Variants in JAM2 observed in about 807,000 individuals in gnomAD.
The protein encoded by JAM2 is junctional adhesion molecule 2.
A neutral mutation model predicts 42.0 loss-of-function variants in JAM2; 17 were observed. That is an observed-to-expected ratio of 0.40 (90% confidence interval 0.28 to 0.61). The LOEUF (loss-of-function observed/expected upper bound fraction) is 0.61. Ranked by LOEUF, JAM2 falls within the 20% of genes least tolerant of loss-of-function variation. The pLI is 0.37. For synonymous variants in JAM2, 118 were observed against 128.6 expected, an observed-to-expected ratio of 0.92 and a Z score of 0.56; for missense variants, 319 against 358.3, an observed-to-expected ratio of 0.89 and a Z score of 0.89.
chr21:25,698,368 G>A (rs1368517467), intron 4 of JAM2, among the ~76,000 whole-genome samples: 1 of 152,192 alleles, frequency 6.6e-6, no homozygotes, highest in East Asian at 1.9e-4. Context: ...ACATGTGGGA[G>A]GTTTTTAATT....
chr21:25,670,249 C>T (rs1275193875), intron 1 of JAM2, among the ~76,000 whole-genome samples: 3 of 152,016 alleles, frequency 2.0e-5, no homozygotes, highest in Non-Finnish European at 2.9e-5. Flanking sequence ...TTTGGGAGGC[C>T]GAGGTAGGTA....
At chr21:25,653,173 G>A (rs928383050) in intron 1 of JAM2, among the ~76,000 whole-genome samples, 2 of 152,180 alleles carry the variant, frequency 1.3e-5, no homozygotes, top group African/African-American at 2.4e-5. Flanking sequence ...TCTGCCTGCT[G>A]GGAGGCCCTA....
intron 1 of JAM2, among the ~76,000 whole-genome samples, chr21:25,682,467 G>T (rs147291071): frequency 1.4e-4 from 22 of 152,350 alleles, no homozygotes; most frequent in African/African-American, 5.3e-4. Context: ...CTCGCAGGAC[G>T]TGCGACAGGG....
chr21:25,665,136 A>T (rs1163427868), intron 1 of JAM2, among the ~76,000 whole-genome samples: 1 of 152,130 alleles, frequency 6.6e-6, no homozygotes, highest in African/African-American at 2.4e-5. Flanking sequence ...GTTGGAGAAA[A>T]TTGTAATAGG....
At chr21:25,709,506 A>T in intron 8 of JAM2, 57 bp downstream of exon 8, 1 of 1,164,438 alleles carries the variant, frequency 8.6e-7, no homozygotes, top group Non-Finnish European at 1.3e-6. Context: ...ATTTTCTATT[A>T]ATCATCTGTT....
intron 7 of JAM2, 121 bp downstream of exon 7, chr21:25,706,207 C>G: frequency 1.5e-6 from 1 of 689,158 alleles, no homozygotes; most frequent in South Asian, 1.7e-5. Context: ...CAGACAGAGT[C>G]TTGCTCTGTT....
chr21:25,697,867 C>T (rs1329408066), intron 4 of JAM2, among the ~76,000 whole-genome samples: 1 of 151,560 alleles, frequency 6.6e-6, no homozygotes, highest in Non-Finnish European at 1.5e-5. Context: ...ATGATCACGC[C>T]ACTGTACTCC....
At chr21:25,654,305 G>T (rs1354121702) in intron 1 of JAM2, among the ~76,000 whole-genome samples, 1 of 152,136 alleles carries the variant, frequency 6.6e-6, no homozygotes, top group Non-Finnish European at 1.5e-5. Flanking sequence ...ACAATGGAAG[G>T]ATCAGTCTGT....
At chr21:25,697,435 A>G (rs2034063272) in intron 4 of JAM2, among the ~76,000 whole-genome samples, 1 of 152,224 alleles carries the variant, frequency 6.6e-6, no homozygotes, top group Admixed American at 6.5e-5. Context: ...AGACTACCTT[A>G]GAATACAGCC....
intron 1 of JAM2, among the ~76,000 whole-genome samples, chr21:25,659,509 G>C (rs755966681): frequency 9.2e-5 from 14 of 151,994 alleles, no homozygotes; most frequent in Admixed American, 2.6e-4. Flanking sequence ...CCCAACTTTA[G>C]TTTCCATAGG....
At chr21:25,649,393 A>G (rs2032707642) in intron 1 of JAM2, among the ~76,000 whole-genome samples, 1 of 152,180 alleles carries the variant, frequency 6.6e-6, no homozygotes, top group African/African-American at 2.4e-5. Flanking sequence ...AGAAGTGCCG[A>G]GCAAAAGCGG....
intron 1 of JAM2, among the ~76,000 whole-genome samples, chr21:25,671,379 C>T (rs1354496095): frequency 3.9e-5 from 6 of 152,168 alleles, no homozygotes; most frequent in Non-Finnish European, 8.8e-5. Context: ...CTCACTTGGG[C>T]CTTGGTAAGT....
intron 1 of JAM2, among the ~76,000 whole-genome samples, chr21:25,672,554 G>T (rs2033385549): frequency 6.6e-6 from 1 of 152,206 alleles, no homozygotes; most frequent in Non-Finnish European, 1.5e-5. Context: ...GCTGGCAGTG[G>T]TTCTGTACTT....
At chr21:25,686,598 A>G (rs2033756804) in intron 2 of JAM2, among the ~76,000 whole-genome samples, 1 of 152,240 alleles carries the variant, frequency 6.6e-6, no homozygotes, top group Non-Finnish European at 1.5e-5. Flanking sequence ...AAATCAGGGC[A>G]GCTCTGCCAG....
intron 1 of JAM2, 104 bp downstream of exon 1, chr21:25,639,992 C>A: frequency 1.3e-6 from 1 of 775,448 alleles, no homozygotes; most frequent in Non-Finnish European, 1.9e-6. Flanking sequence ...GGCTCTGGGC[C>A]GAGGTCGCCG....
At chr21:25,682,104 A>G (rs2033646629) in intron 1 of JAM2, among the ~76,000 whole-genome samples, 3 of 152,260 alleles carry the variant, frequency 2.0e-5, no homozygotes, top group Admixed American at 6.5e-5. Flanking sequence ...TTTATTCAAC[A>G]AACATTTATT....
At chr21:25,660,782 ATTTTTTT>A (rs869192568) in intron 1 of JAM2, among the ~76,000 whole-genome samples, 2 of 41,314 alleles carry the variant, frequency 4.8e-5, no homozygotes, top group Admixed American at 3.3e-4. Context: ...ATATATATAT[ATTTTTTT>A]TTTTTTTTTT....
chr21:25,680,942 C>T (rs757347900), intron 1 of JAM2, among the ~76,000 whole-genome samples: 2 of 152,030 alleles, frequency 1.3e-5, no homozygotes. Context: ...TCAACAGAGT[C>T]ACATGTCATA....
chr21:25,694,301 T>A (rs891632481), intron 4 of JAM2, among the ~76,000 whole-genome samples: 1 of 152,214 alleles, frequency 6.6e-6, no homozygotes. Context: ...AAAAGTAGAC[T>A]GAAGGTAGGA....
Sources: allele counts gnomAD v4.1 joint callset (sites outside exome capture counted in the v4.1 genomes callset), GRCh38; gene constraint gnomAD v4.1.1; transcripts MANE v1.5; gene names NCBI Gene and HGNC (gene_info 2026-07-23, HGNC 2026-07-21).